The following CDK5RAP2 variants were observed in gnomAD, a reference collection of about 807,000 sequenced individuals.
The protein encoded by CDK5RAP2 is CDK5 regulatory subunit associated protein 2.
In CDK5RAP2, 147 loss-of-function variants were observed where a neutral mutation model predicts 232.9. The observed-to-expected ratio is 0.63, with a 90% confidence interval of 0.55 to 0.72. CDK5RAP2 has a LOEUF of 0.72. Among genes scored for constraint, CDK5RAP2 ranks in the 30% least tolerant of loss-of-function variants. The pLI is 0.00. For synonymous variants in CDK5RAP2, 833 were observed against 833.7 expected, an observed-to-expected ratio of 1.00 and a Z score of 0.01; for missense variants, 2,195 against 2,231.5, an observed-to-expected ratio of 0.98 and a Z score of 0.33.
At chr9:120,546,323 A>C (rs2041840136) in intron 4 of CDK5RAP2, among the ~76,000 whole-genome samples, 1 of 152,208 alleles carries the variant, frequency 6.6e-6, no homozygotes, top group African/African-American at 2.4e-5. Flanking sequence ...TAAAGCTACA[A>C]CCACATGGGG....
intron 5 of CDK5RAP2, among the ~76,000 whole-genome samples, chr9:120,543,633 C>T (rs868502769): frequency 6.6e-5 from 10 of 152,070 alleles, no homozygotes; most frequent in South Asian, 2.1e-4. Context: ...CTGAGGTGGG[C>T]GGATCACATG....
intron 12 of CDK5RAP2, among the ~76,000 whole-genome samples, chr9:120,497,525 T>C (rs1240897611): frequency 7.1e-6 from 1 of 141,798 alleles, no homozygotes; most frequent in Non-Finnish European, 1.5e-5. Flanking sequence ...TCTCAAAAGA[T>C]CTCCCCACAA....
chr9:120,464,730 G>A (rs903415598), intron 18 of CDK5RAP2, among the ~76,000 whole-genome samples: 3 of 152,054 alleles, frequency 2.0e-5, no homozygotes, highest in Non-Finnish European at 4.4e-5. Flanking sequence ...AGAGTCAGAA[G>A]AGGGTTATAG....
chr9:120,519,689 T>G (rs4837775), intron 11 of CDK5RAP2, among the ~76,000 whole-genome samples: 147,181 of 152,284 alleles, frequency 0.97, 71,294 homozygotes, highest in East Asian at 1. Flanking sequence ...ATCTCAATAC[T>G]GTTATGTAAT....
At chr9:120,524,747 G>C (rs2040824719) in intron 11 of CDK5RAP2, among the ~76,000 whole-genome samples, 1 of 152,040 alleles carries the variant, frequency 6.6e-6, no homozygotes, top group Admixed American at 6.5e-5. Flanking sequence ...ACTTAGCACA[G>C]AGCACACTCA....
At chr9:120,400,653 C>G in intron 35 of CDK5RAP2, 89 bp downstream of exon 35, 1 of 1,518,886 alleles carries the variant, frequency 6.6e-7, no homozygotes, top group Non-Finnish European at 9.1e-7. Flanking sequence ...GTGGGCACAT[C>G]TGCTGTGGGC....
At chr9:120,466,196 T>A (rs2037370278) in intron 18 of CDK5RAP2, among the ~76,000 whole-genome samples, 1 of 152,176 alleles carries the variant, frequency 6.6e-6, no homozygotes, top group Non-Finnish European at 1.5e-5. Flanking sequence ...GCTTGGGAAA[T>A]GCTGTGGACA....
At chr9:120,433,104 G>A (rs1276523260) in intron 25 of CDK5RAP2, among the ~76,000 whole-genome samples, 1 of 152,108 alleles carries the variant, frequency 6.6e-6, no homozygotes, top group African/African-American at 2.4e-5. Flanking sequence ...CAAAAGCTGG[G>A]GGAAAACATT....
At chr9:120,531,513 G>C (rs550421561) in intron 7 of CDK5RAP2, among the ~76,000 whole-genome samples, 213 of 152,250 alleles carry the variant, frequency 1.4e-3, no homozygotes, top group Non-Finnish European at 2.4e-3. Flanking sequence ...TACAAAATAG[G>C]GGTGACTTGT....
rs1326212885 is a variant in CDK5RAP2 at position 120,492,937 on chromosome 9, C to G, written c.1312-1460G>C. On this transcript the variant is annotated intron_variant, in intron 12 of 37. Transcript: ENST00000349780. ...ATTTTCTGTCGTTTCCTTTCTTTCA[C>G]TAAAAAAGCCTAGAATTGGTGTCCT... Among the ~76,000 whole-genome samples the G allele has an allele frequency of 3.3e-5, 5 of 152,270 alleles. No homozygotes were observed. The East Asian group carries it at 9.6e-4, about 29-fold the overall frequency.
rs537961012 is a variant in CDK5RAP2, at chr9:120,438,736, T to G, written c.3722+663A>C. On this transcript the variant is annotated intron_variant, in intron 24 of 37. Transcript: ENST00000349780. ...AATTACAAGCTTCCTTCAATCTCAC[T>G]GCTTGGGAAGTCTTGAAAAATTCAT... is the stretch of plus-strand genomic sequence containing the variant. Among the ~76,000 whole-genome samples, 39 of 152,346 alleles carry G rather than the reference T, an allele frequency of 2.6e-4. No individual in the cohort carries two copies. The East Asian group carries it at 7.1e-3, about 28-fold the overall frequency.
chr9:120,520,789 TATCTC>T (rs2040601487), intron 11 of CDK5RAP2, among the ~76,000 whole-genome samples: 1 of 147,362 alleles, frequency 6.8e-6, no homozygotes, highest in Admixed American at 7.2e-5. Flanking sequence ...TCATGAGATA[TATCTC>T]ATATATCTCA....
In CDK5RAP2 at chr9:120,439,807, G is replaced by C. The variant is rs1302246628; in HGVS notation, c.3314C>G (p.Thr1105Ser). Reference protein sequence around the residue: ...MGTDQSESINTSNETEYLKQK... With the variant: ...MGTDQSESINSSNETEYLKQK... ...TTTTAAGTATTCTGTCTCATTTGAGGTATTAATGCTCTCTGACTGATCAGT... is the reference window on the plus strand; with the variant it reads ...TTTTAAGTATTCTGTCTCATTTGAGCTATTAATGCTCTCTGACTGATCAGT... Residue 1105 changes from threonine (T) to serine (S), a missense_variant, in exon 24 of 38, where the codon ACC becomes AGC. Transcript: ENST00000349780. The C allele has an allele frequency of 6.2e-7, 1 of 1,614,042 alleles. No homozygotes were observed. The highest frequency in any genetic ancestry group is 8.5e-7 in the Non-Finnish European group (1 of 1,180,046).
chr9:120,389,234 T>A lies in CDK5RAP2; in HGVS notation c.*2A>T, dbSNP rs917887392. 6 of 1,612,016 alleles carry A rather than the reference T, an allele frequency of 3.7e-6. No individual in the cohort carries two copies. The African/African-American group carries it at 8.0e-5, about 22-fold the overall frequency. ...ACAAGCTTTATTGGCTGAAAGTTCT[T>A]CTCAGGAGCCTGGTCTGCTGGGACT... is the stretch of plus-strand genomic sequence containing the variant. On this transcript the variant is annotated 3_prime_UTR_variant, in exon 38 of 38. Transcript: ENST00000349780.
At chr9:120,457,152 A>C (rs2036826014) in intron 20 of CDK5RAP2, among the ~76,000 whole-genome samples, 1 of 152,204 alleles carries the variant, frequency 6.6e-6, no homozygotes, top group South Asian at 2.1e-4. Flanking sequence ...TTTACAGATG[A>C]AGAAATGGGC....
chr9:120,540,996 T>C (rs952731019), intron 5 of CDK5RAP2, among the ~76,000 whole-genome samples: 1 of 152,258 alleles, frequency 6.6e-6, no homozygotes, highest in African/African-American at 2.4e-5. Context: ...CATTTTTGGA[T>C]CACTGTCTTG....
intron 35 of CDK5RAP2, among the ~76,000 whole-genome samples, chr9:120,395,764 G>T (rs2032411591): frequency 2.1e-5 from 3 of 146,030 alleles, no homozygotes; most frequent in Admixed American, 6.7e-5. Context: ...TGTATTAAAA[G>T]AGAGAACTGG....
Position 120,512,665 on chromosome 9 carries a change from G to A in CDK5RAP2, c.1311+5762C>T, listed in dbSNP as rs191432290. Among the ~76,000 whole-genome samples the A allele has an allele frequency of 3.1e-3, 469 of 152,274 alleles. 2 individuals carry two copies. The highest frequency in any genetic ancestry group is 4.9e-3 in the Non-Finnish European group (336 of 68,020). On this transcript the variant is annotated intron_variant, in intron 12 of 37. Transcript: ENST00000349780. ...ACTGACGGTTTGGCATAGCAACAGCGTAGTATCTTAGCAAAGTCCTGAAAT... is the reference window on the plus strand; with the variant it reads ...ACTGACGGTTTGGCATAGCAACAGCATAGTATCTTAGCAAAGTCCTGAAAT...
chr9:120,517,459 G>T (rs1320898462), intron 12 of CDK5RAP2, among the ~76,000 whole-genome samples: 1 of 151,996 alleles, frequency 6.6e-6, no homozygotes, highest in East Asian at 1.9e-4. Context: ...AACCTTCATG[G>T]CAATGATCAC....
Sources: allele counts gnomAD v4.1 joint callset (sites outside exome capture counted in the v4.1 genomes callset), GRCh38; gene constraint gnomAD v4.1.1; transcripts MANE v1.5; gene names NCBI Gene and HGNC (gene_info 2026-07-23, HGNC 2026-07-21).